EVA1A: variants seen among roughly 807,000 people sequenced by gnomAD.
The protein encoded by EVA1A is protein eva-1 homolog A.
In EVA1A, 7 loss-of-function variants were observed where a neutral mutation model predicts 9.8. The ratio of observed to expected loss-of-function variants is 0.71; its 90% CI spans 0.41 to 1.34. EVA1A has a LOEUF of 1.34. Among genes scored for constraint, EVA1A ranks in the 40% most tolerant of loss-of-function variants. The pLI is 0.01. For missense variants in EVA1A, 206 were observed against 205.9 expected (o/e 1.00, Z 0.00); for synonymous variants, 90 against 85.6 (o/e 1.05, Z -0.28).
chr2:75,500,099 G>C (rs1674357717), intron 3 of EVA1A, among the ~76,000 whole-genome samples: 1 of 152,026 alleles, frequency 6.6e-6, no homozygotes, highest in African/African-American at 2.4e-5. Flanking sequence ...ATCTTACTAT[G>C]GTGCACTGCC....
chr2:75,507,541 C>T (rs1353288554), intron 3 of EVA1A, among the ~76,000 whole-genome samples: 1 of 152,124 alleles, frequency 6.6e-6, no homozygotes, highest in Non-Finnish European at 1.5e-5. Flanking sequence ...ACTCTCCAGC[C>T]TCCTCCCTAG....
chr2:75,559,538 CAAG>C (rs1676839826), intron 1 of EVA1A, among the ~76,000 whole-genome samples: 1 of 152,138 alleles, frequency 6.6e-6, no homozygotes, highest in African/African-American at 2.4e-5. Flanking sequence ...GACTGGATGA[CAAG>C]AAGGGGATGA....
At chr2:75,495,487 G>A (rs966873272) in intron 3 of EVA1A, among the ~76,000 whole-genome samples, 2 of 152,258 alleles carry the variant, frequency 1.3e-5, no homozygotes, top group Non-Finnish European at 2.9e-5. Flanking sequence ...TCCAGGTCAC[G>A]CTCACAAAGG....
intron 1 of EVA1A, among the ~76,000 whole-genome samples, chr2:75,537,942 T>C (rs1003756180): frequency 1.3e-5 from 2 of 152,206 alleles, no homozygotes; most frequent in Admixed American, 1.3e-4. Flanking sequence ...CTTTTCTTTA[T>C]ATTACCCAGC....
At chr2:75,504,247 C>A (rs1674531017) in intron 3 of EVA1A, among the ~76,000 whole-genome samples, 1 of 152,064 alleles carries the variant, frequency 6.6e-6, no homozygotes, top group East Asian at 1.9e-4. Context: ...CCTGTCTCTA[C>A]TAAAAATATA....
At chr2:75,506,100 A>C (rs1674611810) in intron 3 of EVA1A, among the ~76,000 whole-genome samples, 1 of 152,246 alleles carries the variant, frequency 6.6e-6, no homozygotes, top group Admixed American at 6.5e-5. Context: ...ATGCCTAATA[A>C]TGGCTACATA....
intron 1 of EVA1A, among the ~76,000 whole-genome samples, chr2:75,532,038 T>C (rs1376510380): frequency 6.6e-6 from 1 of 151,690 alleles, no homozygotes; most frequent in Non-Finnish European, 1.5e-5. Flanking sequence ...CGGGTGCCTG[T>C]GGTCCCACCT....
At chr2:75,520,897 A>G (rs1675207249) in intron 2 of EVA1A, among the ~76,000 whole-genome samples, 1 of 152,258 alleles carries the variant, frequency 6.6e-6, no homozygotes, top group African/African-American at 2.4e-5. Context: ...CAACAGAGTA[A>G]AAAGGCAACC....
At chr2:75,548,171 C>T (rs1479684988) in intron 1 of EVA1A, among the ~76,000 whole-genome samples, 1 of 152,214 alleles carries the variant, frequency 6.6e-6, no homozygotes, top group Non-Finnish European at 1.5e-5. Flanking sequence ...CTCATTCTGT[C>T]ACTCAGGCTA....
At chr2:75,564,106 A>G (rs1355660986), upstream of EVA1A, among the ~76,000 whole-genome samples, 1 of 152,250 alleles carries the variant, frequency 6.6e-6, no homozygotes, top group East Asian at 1.9e-4. Flanking sequence ...CCTCTGCTAG[A>G]CTAGGGCAAA....
At chr2:75,516,475 G>A (rs1675009430) in intron 3 of EVA1A, among the ~76,000 whole-genome samples, 1 of 152,202 alleles carries the variant, frequency 6.6e-6, no homozygotes, top group East Asian at 1.9e-4. Context: ...GCAGGAAGGA[G>A]GAAGTTTGGA....
chr2:75,509,779 G>A (rs1238499665), intron 3 of EVA1A, among the ~76,000 whole-genome samples: 2 of 152,036 alleles, frequency 1.3e-5, no homozygotes, highest in African/African-American at 4.8e-5. Flanking sequence ...TAATCTCTAT[G>A]CATATTAATG....
chr2:75,514,654 G>A (rs1028358199), intron 3 of EVA1A, among the ~76,000 whole-genome samples: 1 of 152,096 alleles, frequency 6.6e-6, no homozygotes, highest in African/African-American at 2.4e-5. Context: ...TATATATGGT[G>A]TGTGGCAACA....
intron 3 of EVA1A, among the ~76,000 whole-genome samples, chr2:75,507,532 C>T (rs76117740): frequency 6.6e-6 from 1 of 152,186 alleles, no homozygotes; most frequent in African/African-American, 2.4e-5. Flanking sequence ...GCCATTTAGA[C>T]TCTCCAGCCT....
chr2:75,517,232 C>T (rs1675041982), intron 3 of EVA1A, among the ~76,000 whole-genome samples: 1 of 152,078 alleles, frequency 6.6e-6, no homozygotes, highest in Non-Finnish European at 1.5e-5. Flanking sequence ...ATGTGTCAAC[C>T]CTGCCTAGAG....
chr2:75,518,600 C>T (rs2103848193), intron 2 of EVA1A: 1 of 990,934 alleles, frequency 1.0e-6, no homozygotes, highest in South Asian at 4.6e-5. Flanking sequence ...CCTTTCTCTG[C>T]CCTGTATCTT....
chr2:75,509,063 T>G (rs923486480), intron 3 of EVA1A, among the ~76,000 whole-genome samples: 1 of 152,136 alleles, frequency 6.6e-6, no homozygotes, highest in Non-Finnish European at 1.5e-5. Flanking sequence ...AATTCCTGTT[T>G]CCCTAGCTGT....
At chr2:75,525,127 C>T (rs561088288) in intron 1 of EVA1A, among the ~76,000 whole-genome samples, 1 of 151,916 alleles carries the variant, frequency 6.6e-6, no homozygotes, top group South Asian at 2.1e-4. Flanking sequence ...TGTATGTATG[C>T]ACGCATGTAT....
At chr2:75,493,905 C>T (rs1674115302) in intron 3 of EVA1A, among the ~76,000 whole-genome samples, 1 of 152,218 alleles carries the variant, frequency 6.6e-6, no homozygotes, top group South Asian at 2.1e-4. Flanking sequence ...CTACTGTACG[C>T]AAGCAGCCGT....
Sources: gnomAD v4.1 joint callset for allele counts (sites outside exome capture counted in the v4.1 genomes callset) on GRCh38, gnomAD v4.1.1 for gene constraint, MANE v1.5 for transcripts, NCBI Gene and HGNC (gene_info 2026-07-23, HGNC 2026-07-21) for gene names.